Variants in MKLN1 observed in about 807,000 individuals in gnomAD.
MKLN1 encodes muskelin 1.
In MKLN1, 18 loss-of-function variants were observed where a neutral mutation model predicts 99.0. That is an observed-to-expected ratio of 0.18 (90% CI 0.13 to 0.27). The LOEUF (loss-of-function observed/expected upper bound fraction) is 0.27, where lower values mean the gene tolerates loss of function less well. Among genes scored for constraint, MKLN1 ranks in the 10% least tolerant of loss-of-function variants. The probability of loss-of-function intolerance (pLI) is 1.00; values close to 1 mark genes in which losing one functional copy is unlikely to be tolerated. For synonymous variants in MKLN1, 288 were observed against 293.2 expected, an observed-to-expected ratio of 0.98 and a Z score of 0.18; for missense variants, 621 against 875.9, an observed-to-expected ratio of 0.71 and a Z score of 3.67.
chr7:131,306,357 C>A (rs147009249), intron 3 of MKLN1, among the ~76,000 whole-genome samples: 13 of 152,162 alleles, frequency 8.5e-5, no homozygotes, highest in African/African-American at 2.9e-4. Flanking sequence ...AAGGTTGGAA[C>A]GGTTTGGACG....
intron 8 of MKLN1, among the ~76,000 whole-genome samples, chr7:131,426,083 A>T (rs549558681): frequency 6.6e-6 from 1 of 152,214 alleles, no homozygotes; most frequent in Non-Finnish European, 1.5e-5. Context: ...ATGGATAGGA[A>T]TGACATCTTG....
rs1179051130 is a variant in MKLN1, at chr7:131,133,337, TTTTC to T, written c.-418-9467_-418-9464del. Among the ~76,000 whole-genome samples the T allele has an allele frequency of 5.1e-3, 741 of 144,592 alleles. 8 individuals carry two copies. Among genetic ancestry groups the T allele is most frequent in the African/African-American group, 0.018 (683 of 38,920 alleles). 94.9% of individuals were successfully genotyped at this position (144,592 alleles called of 152,430 possible). On this transcript the variant is annotated intron_variant, in intron 1 of 7. Transcript: ENST00000416992. ...TTTTTTATTTTAATTTTAATTTTTT[TTTTC>T]TTTCTTTCTTTCTTTTTTTTTTTTT... is the stretch of plus-strand genomic sequence containing the variant.
At chr7:131,110,588 C>T (rs1795178718) in intron 1 of MKLN1, among the ~76,000 whole-genome samples, 1 of 152,182 alleles carries the variant, frequency 6.6e-6, no homozygotes, top group Non-Finnish European at 1.5e-5. Context: ...TTGTTCAAAA[C>T]TAGTGAAAGG....
At chr7:131,367,487 A>G (rs1333365476) in intron 1 of MKLN1, among the ~76,000 whole-genome samples, 1 of 152,206 alleles carries the variant, frequency 6.6e-6, no homozygotes, top group Admixed American at 6.5e-5. Flanking sequence ...ATGGGTATCT[A>G]GAAGAGTGTT....
At chr7:131,407,210 A>G (rs1263795986) in intron 6 of MKLN1, among the ~76,000 whole-genome samples, 1 of 151,318 alleles carries the variant, frequency 6.6e-6, no homozygotes, top group Non-Finnish European at 1.5e-5. Flanking sequence ...TAACAATTCC[A>G]TTTTTGTTTC....
intron 12 of MKLN1, among the ~76,000 whole-genome samples, chr7:131,446,233 T>C (rs561659964): frequency 6.6e-6 from 1 of 152,318 alleles, no homozygotes; most frequent in Admixed American, 6.5e-5. Flanking sequence ...TTCACTGTAG[T>C]GATCTTTATA....
At chr7:131,167,104 T>G (rs1001062313) in intron 2 of MKLN1, among the ~76,000 whole-genome samples, 1 of 152,026 alleles carries the variant, frequency 6.6e-6, no homozygotes, top group Non-Finnish European at 1.5e-5. Context: ...CTGATCAGCA[T>G]CTGACATACT....
intron 17 of MKLN1, among the ~76,000 whole-genome samples, chr7:131,485,983 A>G (rs1797261395): frequency 6.6e-6 from 1 of 152,042 alleles, no homozygotes. Flanking sequence ...ATGTAAGTTA[A>G]TGTTCTTGTT....
chr7:131,252,069 C>G (rs1461382007), intron 3 of MKLN1, among the ~76,000 whole-genome samples: 1 of 152,140 alleles, frequency 6.6e-6, no homozygotes, highest in Non-Finnish European at 1.5e-5. Context: ...ACCAGAAGAT[C>G]AGAACCTGAA....
At chr7:131,304,646 T>A (rs1584902342) in intron 3 of MKLN1, among the ~76,000 whole-genome samples, 1 of 152,320 alleles carries the variant, frequency 6.6e-6, no homozygotes, top group East Asian at 1.9e-4. Flanking sequence ...AAAGAAAACA[T>A]GAATTTTGAG....
chr7:131,152,831 A>G (rs1795907951), intron 2 of MKLN1, among the ~76,000 whole-genome samples: 1 of 151,834 alleles, frequency 6.6e-6, no homozygotes, highest in African/African-American at 2.4e-5. Context: ...AAGTTGGTTG[A>G]TATGTCCCTT....
At chr7:131,425,855 C>T (rs1795343689) in intron 8 of MKLN1, among the ~76,000 whole-genome samples, 1 of 152,040 alleles carries the variant, frequency 6.6e-6, no homozygotes, top group Non-Finnish European at 1.5e-5. Context: ...CAATTATATC[C>T]ATAATTTTTA....
At chr7:131,187,142 A>C (rs1796462971) in intron 2 of MKLN1, among the ~76,000 whole-genome samples, 1 of 152,226 alleles carries the variant, frequency 6.6e-6, no homozygotes, top group South Asian at 2.1e-4. Flanking sequence ...AACAAAACAA[A>C]TGAGACATTG....
chr7:131,286,099 C>T (rs572925994), intron 3 of MKLN1, among the ~76,000 whole-genome samples: 7 of 152,108 alleles, frequency 4.6e-5, no homozygotes, highest in Admixed American at 1.3e-4. Flanking sequence ...TACAGGCATG[C>T]GTTATCACGC....
rs993872049 is a variant in MKLN1, at chr7:131,313,860, T to C, written c.-178-61564T>C. Among the ~76,000 whole-genome samples, 20 of 152,238 alleles carry C rather than the reference T, an allele frequency of 1.3e-4. 1 individual carries two copies. The highest frequency in any genetic ancestry group is 6.5e-4 in the Admixed American group (10 of 15,284). ...ATAATTTAAATATGTGAAAAGCAGATGCAATTGAAGGCAGAGCATCTAGAG... is the reference window on the plus strand; with the variant it reads ...ATAATTTAAATATGTGAAAAGCAGACGCAATTGAAGGCAGAGCATCTAGAG... On this transcript the variant is annotated intron_variant, in intron 3 of 7. Transcript: ENST00000416992.
rs765361166 is a variant in MKLN1, at chr7:131,478,748, A to G, written c.2086+71A>G. 2.0e-6 allele frequency: 3 copies of G among 1,518,774 alleles called. No homozygotes were observed. The African/African-American group carries it at 4.1e-5, about 21-fold the overall frequency. The allele number at this position is 1,518,774 out of a possible 1,614,324, so 94.1% of individuals were successfully genotyped here. On this transcript the variant is annotated intron_variant, in intron 17 of 17. Coordinates refer to ENST00000352689, the MANE Select transcript of MKLN1 (RefSeq NM_013255.5). Reference sequence around the variant, plus strand: ...GGAAGGTTGGATTTTGGTTTCTTTTACGTGAAACATCAGGTGAGATGTTTC... The same window carrying G: ...GGAAGGTTGGATTTTGGTTTCTTTTGCGTGAAACATCAGGTGAGATGTTTC...
At chr7:131,169,745 A>AT (rs1483291125) in intron 2 of MKLN1, among the ~76,000 whole-genome samples, 6 of 152,160 alleles carry the variant, frequency 3.9e-5, no homozygotes, top group Non-Finnish European at 7.3e-5. Flanking sequence ...ACAAGAAGAG[A>AT]TTTTTCCATT....
intron 3 of MKLN1, among the ~76,000 whole-genome samples, chr7:131,247,229 T>TTTTTTC (rs1321353787): frequency 9.8e-6 from 1 of 101,660 alleles, no homozygotes; most frequent in South Asian, 5.1e-4. Flanking sequence ...CTTCTTTTTC[T>TTTTTTC]TTTTTCTTTT....
At chr7:131,120,489 C>A (rs1294863728) in intron 1 of MKLN1, among the ~76,000 whole-genome samples, 2 of 133,804 alleles carry the variant, frequency 1.5e-5, no homozygotes, top group African/African-American at 5.6e-5. Flanking sequence ...GCAGAGCTTG[C>A]AGTGAGCTGA....
Sources: gnomAD v4.1 joint callset for allele counts (sites outside exome capture counted in the v4.1 genomes callset) on GRCh38, gnomAD v4.1.1 for gene constraint, MANE v1.5 for transcripts, NCBI Gene and HGNC (gene_info 2026-07-23, HGNC 2026-07-21) for gene names.